SLC5A4: variants seen among roughly 807,000 people sequenced by gnomAD.
The protein encoded by SLC5A4 is solute carrier family 5 member 4.
In SLC5A4, 55 loss-of-function variants were observed where a neutral mutation model predicts 70.3. The ratio of observed to expected loss-of-function variants is 0.78; its 90% confidence interval spans 0.63 to 0.98. The LOEUF (loss-of-function observed/expected upper bound fraction) is 0.98. Among genes scored for constraint, SLC5A4 ranks in the 50% least tolerant of loss-of-function variants. The pLI is 0.00. For missense variants in SLC5A4, 735 were observed against 839.2 expected (o/e 0.88, Z 1.53); for synonymous variants, 268 against 305.7 (o/e 0.88, Z 1.29).
intron 14 of SLC5A4, among the ~76,000 whole-genome samples, chr22:32,220,032 AACAC>A (rs3069413): frequency 0.18 from 27,137 of 149,388 alleles, 2,498 homozygotes; most frequent in Middle Eastern, 0.24. Context: ...TAAGATGTGC[AACAC>A]ACACACACAC....
At chr22:32,353,601 C>A in the SLC5A4 span, among the ~76,000 whole-genome samples, 2 of 152,042 alleles carry the variant, frequency 1.3e-5, no homozygotes, top group African/African-American at 4.8e-5. Flanking sequence ...CCCAACAGCA[C>A]CCCTAACCCG....
chr22:32,306,391 G>A, the SLC5A4 span, among the ~76,000 whole-genome samples: 50,113 of 151,070 alleles, frequency 0.33, 8,477 homozygotes, highest in Admixed American at 0.42. Context: ...GCGTGAACCT[G>A]GGAGGCGGAG....
chr22:32,345,468 T>A, the SLC5A4 span, among the ~76,000 whole-genome samples: 7 of 152,194 alleles, frequency 4.6e-5, no homozygotes, highest in African/African-American at 1.2e-4. Flanking sequence ...GTTTGCAAGT[T>A]TTTTTCTTTA....
the SLC5A4 span, among the ~76,000 whole-genome samples, chr22:32,329,249 A>G: frequency 6.6e-6 from 1 of 152,112 alleles, no homozygotes; most frequent in Non-Finnish European, 1.5e-5. Flanking sequence ...ATCTTCACTC[A>G]GCCTTAGCTC....
At chr22:32,351,071 G>C in the SLC5A4 span, among the ~76,000 whole-genome samples, 2 of 152,094 alleles carry the variant, frequency 1.3e-5, no homozygotes, top group Non-Finnish European at 2.9e-5. Context: ...TTTTCCTGTT[G>C]CAACGATGTG....
chr22:32,265,866 A>G, the SLC5A4 span, among the ~76,000 whole-genome samples: 1 of 152,014 alleles, frequency 6.6e-6, no homozygotes, highest in Non-Finnish European at 1.5e-5. Flanking sequence ...AAACAAAACA[A>G]ACAGAACAAA....
At chr22:32,279,925 G>A in the SLC5A4 span, among the ~76,000 whole-genome samples, 1 of 152,184 alleles carries the variant, frequency 6.6e-6, no homozygotes, top group South Asian at 2.1e-4. Context: ...ACCTGGGGGA[G>A]GGGCTGCTCA....
chr22:32,269,877 G>A, the SLC5A4 span: 44 of 585,472 alleles, frequency 7.5e-5, no homozygotes, highest in African/African-American at 3.0e-4. This position sits in a 1 kb window ranked among gnomAD's most constrained non-coding sequence, Gnocchi z 4.1. Flanking sequence ...CATGCGTAGC[G>A]TCCGAGTGTT....
At chr22:32,267,047 A>C in the SLC5A4 span, among the ~76,000 whole-genome samples, 1 of 152,372 alleles carries the variant, frequency 6.6e-6, no homozygotes. Flanking sequence ...AGCTCCATTC[A>C]TAACAATTAA....
chr22:32,314,724 G>C, the SLC5A4 span, among the ~76,000 whole-genome samples: 7 of 152,146 alleles, frequency 4.6e-5, no homozygotes, highest in Non-Finnish European at 1.0e-4. Context: ...GGCTTAACTG[G>C]ACTTACAGTT....
chr22:32,280,264 C>G, the SLC5A4 span, among the ~76,000 whole-genome samples: 65 of 152,188 alleles, frequency 4.3e-4, 1 homozygote, highest in South Asian at 0.012. Flanking sequence ...GATCCACCCC[C>G]CCTCAACCTC....
At chr22:32,224,065 T>C (rs548499101) in intron 13 of SLC5A4, among the ~76,000 whole-genome samples, 13 of 152,118 alleles carry the variant, frequency 8.5e-5, no homozygotes, top group South Asian at 2.1e-4. Context: ...GGATTACAGG[T>C]GCCCACCACC....
the SLC5A4 span, chr22:32,271,931 A>C: frequency 1.7e-6 from 1 of 575,994 alleles, no homozygotes; most frequent in Admixed American, 2.3e-5. Flanking sequence ...CACACTGTGC[A>C]CCTGCATCCC....
chr22:32,315,233 A>G, the SLC5A4 span, among the ~76,000 whole-genome samples: 1 of 147,872 alleles, frequency 6.8e-6, no homozygotes, highest in African/African-American at 2.4e-5. Flanking sequence ...CTGCAGGACT[A>G]TTAAAGCCAA....
the SLC5A4 span, among the ~76,000 whole-genome samples, chr22:32,260,555 A>G: frequency 1.3e-5 from 2 of 151,884 alleles, no homozygotes; most frequent in Non-Finnish European, 2.9e-5. Context: ...CCCACAAATC[A>G]TCTTTCTAGG....
At chr22:32,335,377 G>C in the SLC5A4 span, among the ~76,000 whole-genome samples, 4 of 152,194 alleles carry the variant, frequency 2.6e-5, no homozygotes, top group Non-Finnish European at 5.9e-5. Context: ...CTGTGAGTAA[G>C]CCCTGAGCAA....
chr22:32,317,059 GA>G, the SLC5A4 span, among the ~76,000 whole-genome samples: 2 of 150,896 alleles, frequency 1.3e-5, no homozygotes, highest in African/African-American at 2.4e-5. Flanking sequence ...CCAAAAAATA[GA>G]AAAAAGACAA....
At chr22:32,292,330 T>C in the SLC5A4 span, among the ~76,000 whole-genome samples, 1 of 143,152 alleles carries the variant, frequency 7.0e-6, no homozygotes, top group Non-Finnish European at 1.5e-5. Flanking sequence ...ATATATATGG[T>C]ATATGGAACT....
the SLC5A4 span, among the ~76,000 whole-genome samples, chr22:32,336,718 T>C: frequency 2.6e-5 from 4 of 152,234 alleles, no homozygotes; most frequent in African/African-American, 9.6e-5. Flanking sequence ...AAATGACTTT[T>C]CCAAAACCTT....
Sources: allele counts gnomAD v4.1 joint callset (sites outside exome capture counted in the v4.1 genomes callset), GRCh38; gene constraint gnomAD v4.1.1; non-coding constraint Gnocchi (gnomAD v3.1); transcripts MANE v1.5; gene names NCBI Gene and HGNC (gene_info 2026-07-23, HGNC 2026-07-21).